STK32A: variants seen among roughly 807,000 people sequenced by gnomAD.
STK32A encodes serine/threonine kinase 32A.
Under a neutral mutation model 53.2 loss-of-function variants are expected in STK32A, and 41 were observed. That is an observed-to-expected ratio of 0.77 (90% confidence interval 0.60 to 1.00). STK32A has a LOEUF of 1.00. Among genes scored for constraint, STK32A ranks in the 50% least tolerant of loss-of-function variants. The pLI, the probability that STK32A is intolerant of heterozygous loss-of-function variation, is 0.00. For synonymous variants in STK32A, 166 were observed against 162.8 expected (o/e 1.02, Z -0.15); for missense variants, 458 against 485.8 (o/e 0.94, Z 0.54).
At chr5:147,323,293 T>C (rs958974782) in intron 4 of STK32A, among the ~76,000 whole-genome samples, 4 of 152,206 alleles carry the variant, frequency 2.6e-5, no homozygotes, top group Non-Finnish European at 5.9e-5. Context: ...TTCCTCAAAA[T>C]TGAGCTCTGG....
intron 4 of STK32A, among the ~76,000 whole-genome samples, chr5:147,288,350 T>TATAATTGTACTAA (rs1752440933): frequency 6.6e-6 from 1 of 152,240 alleles, no homozygotes; most frequent in Admixed American, 6.5e-5. Context: ...GTAAGTACAA[T>TATAATTGTACTAA]ATATTCAATG....
chr5:147,352,181 CA>C (rs1207303335), intron 7 of STK32A, among the ~76,000 whole-genome samples: 8 of 152,152 alleles, frequency 5.3e-5, no homozygotes, highest in African/African-American at 1.9e-4. Flanking sequence ...CACTGTACTC[CA>C]GCCTGAGTGA....
intron 2 of STK32A, among the ~76,000 whole-genome samples, chr5:147,255,985 T>C (rs1474792181): frequency 1.3e-5 from 2 of 152,214 alleles, no homozygotes; most frequent in South Asian, 4.1e-4. Context: ...TTATTTTTCC[T>C]TCCTTTGGTT....
chr5:147,356,516 G>A (rs1447779362), intron 7 of STK32A, among the ~76,000 whole-genome samples: 2 of 152,226 alleles, frequency 1.3e-5, no homozygotes, highest in Middle Eastern at 3.4e-3. Flanking sequence ...GGGGTCTGAT[G>A]CCAGAGCCCT....
intron 2 of STK32A, among the ~76,000 whole-genome samples, chr5:147,269,999 G>C (rs1395863022): frequency 1.3e-5 from 2 of 152,116 alleles, no homozygotes; most frequent in Non-Finnish European, 2.9e-5. Flanking sequence ...TATCAATTAT[G>C]TAATTTAGTC....
intron 6 of STK32A, among the ~76,000 whole-genome samples, chr5:147,346,197 T>C (rs1469217925): frequency 6.6e-6 from 1 of 152,206 alleles, no homozygotes; most frequent in African/African-American, 2.4e-5. Context: ...GCCTGCCTTT[T>C]AGAGTGTCTG....
intron 7 of STK32A, among the ~76,000 whole-genome samples, chr5:147,355,788 G>GTATATATATATATATATATATA (rs1354487817): frequency 8.0e-5 from 11 of 137,576 alleles, no homozygotes; most frequent in African/African-American, 2.9e-4. Flanking sequence ...GTGAGTGTGT[G>GTATATATATATATATATATATA]TGTGTATATA....
At position 147,294,434 on chromosome 5, in the gene STK32A, G is replaced by GT. The variant is rs372226379; in HGVS notation, c.260+15037dup. ...GCACCACCATGCCGGGCTAATTTTT[G>GT]TATTTTTAGTACAGACGGGGTTTCA... On this transcript the variant is annotated intron_variant, in intron 4 of 12. Transcript: ENST00000397936. 6.8e-3 allele frequency among the ~76,000 whole-genome samples: 1,025 copies of GT among 151,750 alleles called. 3 individuals carry two copies. Among genetic ancestry groups the GT allele is most frequent in the Non-Finnish European group, 0.011 (760 of 67,906 alleles).
intron 4 of STK32A, among the ~76,000 whole-genome samples, chr5:147,312,314 T>A (rs1036730291): frequency 2.0e-5 from 3 of 152,104 alleles, no homozygotes; most frequent in Non-Finnish European, 4.4e-5. Flanking sequence ...ATATTGGCCA[T>A]GCTTGTCTCA....
chr5:147,307,386 C>T (rs1753461652), intron 4 of STK32A, among the ~76,000 whole-genome samples: 1 of 151,812 alleles, frequency 6.6e-6, no homozygotes, highest in African/African-American at 2.4e-5. Flanking sequence ...TGTGGAAGGC[C>T]GAGGCAGGCA....
At chr5:147,342,863 T>C in intron 5 of STK32A, 143 bp from the exon 6 acceptor site, 1 of 650,498 alleles carries the variant, frequency 1.5e-6, no homozygotes, top group Non-Finnish European at 2.6e-6. Context: ...AAATTTACTG[T>C]GAGAATTGAA....
chr5:147,380,408 A>G (rs887917744), intron 11 of STK32A, among the ~76,000 whole-genome samples: 1 of 152,108 alleles, frequency 6.6e-6, no homozygotes, highest in Non-Finnish European at 1.5e-5. Flanking sequence ...CCTGTCACCT[A>G]AACAGGCACT....
At chr5:147,263,759 T>C (rs1754687164) in intron 2 of STK32A, among the ~76,000 whole-genome samples, 2 of 150,102 alleles carry the variant, frequency 1.3e-5, no homozygotes, top group Non-Finnish European at 3.0e-5. Flanking sequence ...ATAATAGGTA[T>C]AGAAAGAGAG....
At chr5:147,395,540 A>G in the STK32A span, 1 of 1,600,030 alleles carries the variant, frequency 6.2e-7, no homozygotes, top group South Asian at 1.1e-5. Context: ...TTATCTTTTG[A>G]TGAGCCTGTC....
chr5:147,337,562 AG>A (rs1755197414), intron 5 of STK32A, among the ~76,000 whole-genome samples: 1 of 152,152 alleles, frequency 6.6e-6, no homozygotes, highest in Non-Finnish European at 1.5e-5. Flanking sequence ...TTGAGAAACC[AG>A]GGGGCTGGGA....
intron 8 of STK32A, among the ~76,000 whole-genome samples, chr5:147,363,250 A>G (rs1756591700): frequency 6.6e-6 from 1 of 152,114 alleles, no homozygotes; most frequent in Non-Finnish European, 1.5e-5. Flanking sequence ...TCCAGAACAT[A>G]TCAAAGCAAA....
intron 4 of STK32A, among the ~76,000 whole-genome samples, chr5:147,283,880 C>T (rs1173935112): frequency 6.6e-6 from 1 of 151,948 alleles, no homozygotes; most frequent in Non-Finnish European, 1.5e-5. Flanking sequence ...AGAATTGGTA[C>T]CAATTCTTTT....
downstream of STK32A, chr5:147,387,864 C>T (rs1757714100): frequency 6.6e-6 from 1 of 152,168 alleles, no homozygotes; most frequent in African/African-American, 2.4e-5. Flanking sequence ...GAGCCACTGA[C>T]CCTTCTTTGT....
Position 147,335,806 on chromosome 5 carries a change from C to T in STK32A, c.435-7200C>T, listed in dbSNP as rs541220401. On this transcript the variant is annotated intron_variant, in intron 5 of 12. Transcript: ENST00000397936. Reference sequence around the variant, plus strand: ...GTGTGTGTGTATGTGTGTGTGTGTGCGCGCGTGCATGCGTGCGCGTGTGTG... The same window carrying T: ...GTGTGTGTGTATGTGTGTGTGTGTGTGCGCGTGCATGCGTGCGCGTGTGTG... 9.9e-5 allele frequency among the ~76,000 whole-genome samples: 15 copies of T among 151,966 alleles called. No individual in the cohort carries two copies. The South Asian group carries it at 1.9e-3, about 19-fold the overall frequency.
Sources: gnomAD v4.1 joint callset for allele counts (sites outside exome capture counted in the v4.1 genomes callset) on GRCh38, gnomAD v4.1.1 for gene constraint, MANE v1.5 for transcripts, NCBI Gene and HGNC (gene_info 2026-07-23, HGNC 2026-07-21) for gene names.